The following ADAM23 variants were observed in gnomAD, a reference collection of about 807,000 sequenced individuals.
ADAM23 encodes the protein ADAM metallopeptidase domain 23, also known as disintegrin and metalloproteinase domain-containing protein 23.
A neutral mutation model predicts 120.1 loss-of-function variants in ADAM23; 33 were observed. That is an observed-to-expected ratio of 0.27 (90% CI 0.21 to 0.37). ADAM23 has a LOEUF of 0.37. Ranked by LOEUF, ADAM23 falls within the 10% of genes least tolerant of loss-of-function variation. The pLI, the probability that ADAM23 is intolerant of heterozygous loss-of-function variation, is 1.00. For missense variants in ADAM23, 862 were observed against 1,058.2 expected (o/e 0.81, Z 2.57); for synonymous variants, 367 against 375.2 (o/e 0.98, Z 0.25).
In ADAM23 at chr2:206,542,172, C is replaced by G. The variant is rs780213937; in HGVS notation, c.656+38C>G. The G allele has an allele frequency of 3.2e-6, 5 of 1,585,896 alleles. No homozygotes were observed. The Admixed American group carries it at 6.7e-5, about 21-fold the overall frequency. On this transcript the variant is annotated intron_variant, in intron 5 of 25. Transcript: ENST00000264377. ...CTCATTGGCATTTTATTCATTGACC[C>G]TTTCCAGTTTCCCTTTTATGGATAT...
intron 2 of ADAM23, among the ~76,000 whole-genome samples, chr2:206,452,893 C>T (rs1470386922): frequency 6.6e-6 from 1 of 152,176 alleles, no homozygotes; most frequent in Non-Finnish European, 1.5e-5. Flanking sequence ...CCATCCCTCC[C>T]CTCTTCTCTG....
intron 3 of ADAM23, among the ~76,000 whole-genome samples, chr2:206,490,483 G>A (rs1472967112): frequency 6.6e-6 from 1 of 152,122 alleles, no homozygotes; most frequent in Non-Finnish European, 1.5e-5. Context: ...TTTGCATTTA[G>A]GTACTTTAGG....
Position 206,572,272 on chromosome 2 carries a change from A to G in ADAM23, c.1656+456A>G, listed in dbSNP as rs572175300. 1.2e-3 allele frequency among the ~76,000 whole-genome samples: 188 copies of G among 152,292 alleles called. 1 individual carries two copies. The highest frequency in any genetic ancestry group is 3.9e-3 in the African/African-American group (164 of 41,564). On this transcript the variant is annotated intron_variant, in intron 17 of 25. Coordinates refer to ENST00000264377, the MANE Select transcript of ADAM23 (RefSeq NM_003812.4). Reference sequence around the variant, plus strand: ...TCCCCTGTAAAGGCAAGAAAGTGAGATAGGAAAGTAACATATGAATGCACA... The same window carrying G: ...TCCCCTGTAAAGGCAAGAAAGTGAGGTAGGAAAGTAACATATGAATGCACA...
intron 4 of ADAM23, among the ~76,000 whole-genome samples, chr2:206,535,228 T>C (rs1435589979): frequency 6.6e-6 from 1 of 152,248 alleles, no homozygotes; most frequent in Admixed American, 6.5e-5. Flanking sequence ...TATGTCACTC[T>C]CTCATTTAGT....
At chr2:206,590,829 A>G (rs1442069201) in intron 21 of ADAM23, among the ~76,000 whole-genome samples, 1 of 152,202 alleles carries the variant, frequency 6.6e-6, no homozygotes, top group Non-Finnish European at 1.5e-5. Flanking sequence ...GTCAAAATCC[A>G]TGGGATTGGA....
At chr2:206,470,553 T>G (rs1048061297) in intron 2 of ADAM23, among the ~76,000 whole-genome samples, 10 of 152,204 alleles carry the variant, frequency 6.6e-5, no homozygotes, top group Admixed American at 1.3e-4. Flanking sequence ...GTAAAGTATG[T>G]GTAGTACACA....
At chr2:206,524,049 T>C (rs1247895893) in intron 3 of ADAM23, among the ~76,000 whole-genome samples, 1 of 152,070 alleles carries the variant, frequency 6.6e-6, no homozygotes, top group Non-Finnish European at 1.5e-5. Flanking sequence ...ATGTCAGCGC[T>C]CATTTAGGTG....
chr2:206,484,563 T>C (rs934556553), intron 3 of ADAM23, among the ~76,000 whole-genome samples: 1 of 152,176 alleles, frequency 6.6e-6, no homozygotes, highest in Admixed American at 6.5e-5. Flanking sequence ...GCAAAGCTCT[T>C]TGAATACTCA....
intron 2 of ADAM23, among the ~76,000 whole-genome samples, chr2:206,477,880 TAA>T (rs71034456): frequency 0.071 from 7,769 of 108,826 alleles, 323 homozygotes; most frequent in Non-Finnish European, 0.084. Context: ...AATATTCTGT[TAA>T]AAAAAAAAAA....
intron 2 of ADAM23, among the ~76,000 whole-genome samples, chr2:206,462,003 A>G (rs890242445): frequency 1.3e-5 from 2 of 152,210 alleles, no homozygotes; most frequent in Non-Finnish European, 2.9e-5. Flanking sequence ...AACAGTGGTC[A>G]GCAGAGAGGC....
intron 2 of ADAM23, among the ~76,000 whole-genome samples, chr2:206,459,831 C>G (rs1202814728): frequency 2.6e-5 from 4 of 152,192 alleles, no homozygotes; most frequent in Non-Finnish European, 5.9e-5. Context: ...CTCTTCCTCT[C>G]AAGCATCATG....
At chr2:206,591,514 T>C (rs1698425366) in intron 21 of ADAM23, among the ~76,000 whole-genome samples, 1 of 152,232 alleles carries the variant, frequency 6.6e-6, no homozygotes, top group South Asian at 2.1e-4. Context: ...AATGCACAAA[T>C]GAATGAATAT....
intron 23 of ADAM23, among the ~76,000 whole-genome samples, chr2:206,595,502 C>T (rs1200257676): frequency 1.3e-5 from 2 of 151,868 alleles, no homozygotes; most frequent in African/African-American, 4.8e-5. Flanking sequence ...GGGGGGAATC[C>T]TTGTTGGGCA....
chr2:206,536,290 T>C (rs545185537), intron 4 of ADAM23, among the ~76,000 whole-genome samples: 4 of 152,200 alleles, frequency 2.6e-5, no homozygotes, highest in Non-Finnish European at 5.9e-5. Context: ...ACCTCACTTA[T>C]GTGTAGAATC....
chr2:206,586,963 T>C (rs1264581455), intron 18 of ADAM23, among the ~76,000 whole-genome samples: 1 of 152,212 alleles, frequency 6.6e-6, no homozygotes, highest in African/African-American at 2.4e-5. Context: ...GAGCAACTTC[T>C]TGTAAATTAG....
chr2:206,564,909 T>C lies in ADAM23; in HGVS notation c.1346-111T>C, dbSNP rs111404856. The C allele has an allele frequency of 5.6e-3, 6,477 of 1,147,748 alleles. 39 individuals are homozygous for C. The highest frequency in any genetic ancestry group is 7.5e-3 in the Non-Finnish European group (5,843 of 775,978). 71.1% of individuals were successfully genotyped at this position (1,147,748 alleles called of 1,614,324 possible). On this transcript the variant is annotated intron_variant, in intron 13 of 25. Transcript: ENST00000264377. The stretch of plus-strand genomic sequence containing the variant: ...ACTTCACATTCCGTGTCTATTTGAC[T>C]GACATGGAATTGGTAATAAAGAATT...
chr2:206,574,588 G>A (rs183925322), intron 18 of ADAM23, among the ~76,000 whole-genome samples: 23 of 152,166 alleles, frequency 1.5e-4, no homozygotes, highest in Admixed American at 8.5e-4. Flanking sequence ...TTAAAGCCAC[G>A]AAACTATTTA....
chr2:206,499,300 A>G (rs965186715), intron 3 of ADAM23, among the ~76,000 whole-genome samples: 2 of 150,536 alleles, frequency 1.3e-5, no homozygotes, highest in Non-Finnish European at 3.0e-5. Context: ...TATACACCAT[A>G]TACTATGCAG....
In ADAM23 at chr2:206,444,088, T is replaced by A. The variant is rs777719884; in HGVS notation, c.214+8T>A. On this transcript the variant is annotated splice_region_variant and intron_variant, in intron 1 of 25. Transcript: ENST00000264377. ...GGGCTGCTGCGCCCAGCGGTGGGTATGGCCCCGTGCCCTTTGCGTTGGCTT... is the reference window on the plus strand; with the variant it reads ...GGGCTGCTGCGCCCAGCGGTGGGTAAGGCCCCGTGCCCTTTGCGTTGGCTT... 11 of 1,336,482 alleles carry A rather than the reference T, an allele frequency of 8.2e-6. No homozygotes were observed. The highest frequency in any genetic ancestry group is 1.1e-5 in the Non-Finnish European group (11 of 1,044,110). 82.8% of individuals were successfully genotyped at this position (1,336,482 alleles called of 1,614,324 possible). A position where few individuals can be genotyped will look rare whatever the true frequency, so the allele number is the denominator to read the frequency against.
Sources: allele counts gnomAD v4.1 joint callset (sites outside exome capture counted in the v4.1 genomes callset), GRCh38; gene constraint gnomAD v4.1.1; transcripts MANE v1.5; gene names NCBI Gene and HGNC (gene_info 2026-07-23, HGNC 2026-07-21).